Variants in GSTP1 observed in about 807,000 individuals in gnomAD.
GSTP1 encodes glutathione S-transferase P.
In GSTP1, 28 loss-of-function variants were observed where a neutral mutation model predicts 29.4. That is an observed-to-expected ratio of 0.95 (90% CI 0.71 to 1.30). The LOEUF is 1.30. GSTP1 is among the 50% of genes most tolerant of loss of function. The probability of loss-of-function intolerance (pLI) is 0.00; values close to 1 mark genes in which losing one functional copy is unlikely to be tolerated. For synonymous variants in GSTP1, 122 were observed against 117.0 expected (o/e 1.04, Z -0.28); for missense variants, 267 against 266.1 (o/e 1.00, Z -0.02).
chr11:67,584,431 G>A, intron 2 of GSTP1, 33 bp from the exon 3 acceptor site: 1 of 1,253,884 alleles, frequency 8.0e-7, no homozygotes, highest in African/African-American at 1.5e-5. Context: ...AGTCGGCCCG[G>A]TCCCCACATC....
intron 3 of GSTP1, 45 bp from the exon 4 acceptor site, chr11:67,584,640 C>T (rs1480528490): frequency 5.7e-6 from 9 of 1,574,212 alleles, no homozygotes; most frequent in African/African-American, 1.3e-5. Context: ...GATCGGGGGA[C>T]GCCCAAGCTC....
intron 5 of GSTP1, 104 bp from the exon 6 acceptor site, chr11:67,586,000 A>G: frequency 1.3e-6 from 1 of 781,552 alleles, no homozygotes; most frequent in Non-Finnish European, 2.2e-6. Flanking sequence ...GTGGGGAGCA[A>G]GCAGAGGAGA....
intron 4 of GSTP1, 26 bp from the exon 5 acceptor site, chr11:67,585,110 CGG>C: frequency 6.9e-7 from 1 of 1,446,988 alleles, no homozygotes; most frequent in South Asian, 1.1e-5. Flanking sequence ...CCCAGTCACG[CGG>C]CCTGCTCCCC....
At position 67,586,154 on chromosome 11, in the gene GSTP1, T is replaced by G. The variant is rs1381977953; in HGVS notation, c.387T>G (p.Pro129=). ...AGGCACTGCCCGGGCAACTGAAGCCTTTTGAGACCCTGCTGTCCCAGAACC... is the reference window on the plus strand; with the variant it reads ...AGGCACTGCCCGGGCAACTGAAGCCGTTTGAGACCCTGCTGTCCCAGAACC... ...YVKALPGQLK[P]FETLLSQNQG... is the part of the protein sequence containing the mutation. The change falls in exon 6 of 7, where the codon CCT becomes CCG. Residue 129 remains proline (P), a synonymous_variant. Transcript: ENST00000398606. 2 of 1,613,802 alleles carry G rather than the reference T, an allele frequency of 1.2e-6. No homozygotes were observed. The highest frequency in any genetic ancestry group is 4.5e-5 in the East Asian group (2 of 44,894).
At chr11:67,585,061 TG>T in intron 4 of GSTP1, 76 bp from the exon 5 acceptor site, 1 of 890,906 alleles carries the variant, frequency 1.1e-6, no homozygotes, top group Non-Finnish European at 1.8e-6. Context: ...GACAGCCCCC[TG>T]GTTGGCCCAT....
In GSTP1 at chr11:67,586,526, G is replaced by C; in HGVS notation, c.582G>C (p.Leu194=). 1 of 1,614,190 alleles carries C rather than the reference G, an allele frequency of 6.2e-7. No homozygotes were observed. Residue 194 remains leucine (L), a synonymous_variant, in exon 7 of 7, where the codon CTG becomes CTC. Coordinates refer to ENST00000398606, the MANE Select transcript of GSTP1 (RefSeq NM_000852.4). ...CCCGGCCCAAGCTCAAGGCCTTCCT[G>C]GCCTCCCCTGAGTACGTGAACCTCC... is the stretch of plus-strand genomic sequence containing the variant. ...LSARPKLKAF[L]ASPEYVNLPI... is the part of the protein sequence containing the mutation.
intron 3 of GSTP1, 38 bp downstream of exon 3, chr11:67,584,608 G>A (rs771257676): frequency 1.3e-6 from 2 of 1,568,348 alleles, no homozygotes; most frequent in Non-Finnish European, 1.8e-6. Flanking sequence ...GGGGGTGCTG[G>A]GCCTTAGGGG....
At chr11:67,584,019 C>T (rs1360518282) in intron 1 of GSTP1, 115 bp from the exon 2 acceptor site, 4 of 745,140 alleles carry the variant, frequency 5.4e-6, no homozygotes, top group Non-Finnish European at 8.8e-6. Flanking sequence ...TCAGGGGGCC[C>T]GGAGCGCCTC....
At chr11:67,586,243 C>G (rs751937779) in intron 6 of GSTP1, 32 bp downstream of exon 6, 3 of 1,555,982 alleles carry the variant, frequency 1.9e-6, no homozygotes, top group Non-Finnish European at 2.7e-6. Flanking sequence ...GTTCCTTCCT[C>G]GCCACCCTCT....
chr11:67,584,112 A>AACTTTTCTT, intron 1 of GSTP1, 22 bp from the exon 2 acceptor site: 1 of 1,606,398 alleles, frequency 6.2e-7, no homozygotes, highest in Non-Finnish European at 8.5e-7. Context: ...GGCTCCAGCA[A>AACTTTTCTT]ACTTTTCTTT....
At position 67,586,507 on chromosome 11, in the gene GSTP1, C is replaced by A; in HGVS notation, c.563C>A (p.Pro188His). The A allele has an allele frequency of 6.2e-7, 1 of 1,614,192 alleles. No individual in the cohort carries two copies. The highest frequency in any genetic ancestry group is 8.5e-7 in the Non-Finnish European group (1 of 1,180,014). Residue 188 changes from proline to histidine, a missense_variant, in exon 7 of 7, where the codon CCC (proline) becomes CAC (histidine). Transcript: ENST00000398606. Reference sequence around the variant, plus strand: ...TATGTGGGGCGCCTCAGTGCCCGGCCCAAGCTCAAGGCCTTCCTGGCCTCC... The same window carrying A: ...TATGTGGGGCGCCTCAGTGCCCGGCACAAGCTCAAGGCCTTCCTGGCCTCC... ...SAYVGRLSARPKLKAFLASPE... is the reference protein window; with the variant it reads ...SAYVGRLSARHKLKAFLASPE...
In GSTP1 at chr11:67,584,307, G is replaced by A. The variant is rs1591099234; in HGVS notation, c.37+138G>A. The A allele has an allele frequency of 4.1e-6, 3 of 734,902 alleles. No homozygotes were observed. The South Asian group carries it at 5.3e-5, about 13-fold the overall frequency. 45.5% of individuals were successfully genotyped at this position (734,902 alleles called of 1,614,324 possible). A position where few individuals can be genotyped will look rare whatever the true frequency, so the allele number is the denominator to read the frequency against. On this transcript the variant is annotated intron_variant, in intron 2 of 6. Transcript: ENST00000398606. ...ACCCCGGGCCTCCTTCCTGTTCCCC[G>A]CCTCTCCCGCCATGCCTGCTCCCCG... is the stretch of plus-strand genomic sequence containing the variant.
intron 3 of GSTP1, 46 bp downstream of exon 3, chr11:67,584,616 G>C (rs763629688): frequency 1.3e-6 from 2 of 1,573,394 alleles, no homozygotes; most frequent in South Asian, 2.2e-5. Context: ...TGGGCCTTAG[G>C]GGGCTGTGAC....
In GSTP1 at chr11:67,586,630, C is replaced by T. The variant is rs1867472840; in HGVS notation, c.*53C>T. The T allele has an allele frequency of 6.8e-7, 1 of 1,472,904 alleles. No homozygotes were observed. The highest frequency in any genetic ancestry group is 2.3e-5 in the East Asian group (1 of 43,400). 91.2% of individuals were successfully genotyped at this position (1,472,904 alleles called of 1,614,324 possible). On this transcript the variant is annotated 3_prime_UTR_variant, in exon 7 of 7. Coordinates refer to ENST00000398606, the MANE Select transcript of GSTP1 (RefSeq NM_000852.4). ...AGAGTTTGCCTTCCTTTCTCCAGGA[C>T]CAATAAAATTTCTAAGAGAGCTACT...
In GSTP1 at chr11:67,584,638, G is replaced by T. The variant is rs780895755; in HGVS notation, c.145-47G>T. 10 of 1,578,456 alleles carry T rather than the reference G, an allele frequency of 6.3e-6. No homozygotes were observed. The African/African-American group carries it at 1.2e-4, about 19-fold the overall frequency. On this transcript the variant is annotated intron_variant, in intron 3 of 6. Coordinates refer to ENST00000398606, the MANE Select transcript of GSTP1 (RefSeq NM_000852.4). ...TAGGGGGCTGTGACTAGGATCGGGGGACGCCCAAGCTCAGTGCCCCTCCCT... is the reference window on the plus strand; with the variant it reads ...TAGGGGGCTGTGACTAGGATCGGGGTACGCCCAAGCTCAGTGCCCCTCCCT...
chr11:67,584,106 C>T (rs45625334), intron 1 of GSTP1, 28 bp from the exon 2 acceptor site: 4 of 1,601,010 alleles, frequency 2.5e-6, no homozygotes, highest in South Asian at 1.1e-5. Context: ...CCCCCGGGCT[C>T]CAGCAAACTT....
At chr11:67,585,111 G>T in intron 4 of GSTP1, 27 bp from the exon 5 acceptor site, 1 of 1,456,304 alleles carries the variant, frequency 6.9e-7, no homozygotes, top group Non-Finnish European at 9.6e-7. Flanking sequence ...CCAGTCACGC[G>T]GCCTGCTCCC....
chr11:67,585,019 C>G lies in GSTP1; in HGVS notation c.233-119C>G, dbSNP rs1228558652. 6.4e-5 allele frequency: 43 copies of G among 676,768 alleles called. No individual in the cohort carries two copies. The Admixed American group carries it at 1.0e-3, about 16-fold the overall frequency. 41.9% of individuals were successfully genotyped at this position (676,768 alleles called of 1,614,324 possible). ...CAGTCTCTCATCCTTCCACGCACAT[C>G]CTCTTCCCCTCCTCCCAGGCTGGGG... On this transcript the variant is annotated intron_variant, in intron 4 of 6. Transcript: ENST00000398606.
Position 67,586,216 on chromosome 11 carries a change from G to A in GSTP1, c.444+5G>A. ...ACCTTCATTGTGGGAGACCAGGTGA[G>A]CATCTGGCCCCATGCTGTTCCTTCC... is the stretch of plus-strand genomic sequence containing the variant. On this transcript the variant is annotated splice_donor_5th_base_variant and intron_variant, in intron 6 of 6. Coordinates refer to ENST00000398606, the MANE Select transcript of GSTP1 (RefSeq NM_000852.4). The A allele has an allele frequency of 1.9e-6, 3 of 1,600,634 alleles. No individual in the cohort carries two copies. Among genetic ancestry groups the A allele is most frequent in the Non-Finnish European group, 2.6e-6 (3 of 1,167,994 alleles).
Sources: allele counts gnomAD v4.1 joint callset, GRCh38; gene constraint gnomAD v4.1.1; transcripts MANE v1.5; gene names NCBI Gene and HGNC (gene_info 2026-07-23, HGNC 2026-07-21).